The following BRD10 variants were observed in gnomAD, a reference collection of about 807,000 sequenced individuals.
The protein encoded by BRD10 is uncharacterized bromodomain-containing protein 10.
At chr9:5,944,833 C>A in the BRD10 span, 2 of 964,526 alleles carry the variant, frequency 2.1e-6, no homozygotes, top group Admixed American at 3.1e-5. Context: ...AATTTTAATG[C>A]TGACAATAAT....
At chr9:6,007,407 G>T in the BRD10 span, 1 of 1,608,638 alleles carries the variant, frequency 6.2e-7, no homozygotes, top group Non-Finnish European at 8.5e-7. Flanking sequence ...GCGGGAAGGC[G>T]CGACCGCCCC....
the BRD10 span, among the ~76,000 whole-genome samples, chr9:5,936,504 G>A: frequency 2.0e-5 from 3 of 152,162 alleles, no homozygotes; most frequent in Non-Finnish European, 4.4e-5. Context: ...CTATTTTAAA[G>A]TAGTGGAACA....
the BRD10 span, among the ~76,000 whole-genome samples, chr9:6,004,743 A>G: frequency 6.6e-6 from 1 of 152,210 alleles, no homozygotes; most frequent in African/African-American, 2.4e-5. Context: ...CACTCCCATG[A>G]ACACTCTATA....
At chr9:5,967,203 C>G in the BRD10 span, among the ~76,000 whole-genome samples, 1 of 150,186 alleles carries the variant, frequency 6.7e-6, no homozygotes. Context: ...TTTTTTTTTT[C>G]CAATCAAGCA....
the BRD10 span, chr9:5,924,864 C>T: frequency 2.1e-6 from 3 of 1,429,488 alleles, no homozygotes; most frequent in South Asian, 1.8e-5. Flanking sequence ...AAATGCCCAA[C>T]ATAATAAATA....
the BRD10 span, chr9:5,908,888 T>G: frequency 1.7e-6 from 1 of 575,734 alleles, no homozygotes; most frequent in Non-Finnish European, 3.1e-6. Flanking sequence ...TGTGAGGAAA[T>G]GATGAGAAAT....
chr9:5,985,433 G>A, the BRD10 span, among the ~76,000 whole-genome samples: 1 of 152,120 alleles, frequency 6.6e-6, no homozygotes, highest in African/African-American at 2.4e-5. Flanking sequence ...TGAAGGCCAT[G>A]GACTGAGAAA....
the BRD10 span, among the ~76,000 whole-genome samples, chr9:5,940,425 C>T: frequency 6.6e-6 from 1 of 152,038 alleles, no homozygotes; most frequent in African/African-American, 2.4e-5. Context: ...GAACTCCCAA[C>T]CTTGTGATCC....
the BRD10 span, among the ~76,000 whole-genome samples, chr9:5,972,808 T>A: frequency 1.3e-5 from 2 of 152,126 alleles, no homozygotes; most frequent in African/African-American, 4.8e-5. Context: ...TTCACAGCAA[T>A]GCAAAATGGA....
At chr9:5,988,325 A>ATT in the BRD10 span, 1 of 1,501,688 alleles carries the variant, frequency 6.7e-7, no homozygotes, top group South Asian at 1.1e-5. Flanking sequence ...GAAATTATGA[A>ATT]TTTTTTTCTT....
At chr9:5,993,323 A>AAC in the BRD10 span, among the ~76,000 whole-genome samples, 2 of 148,232 alleles carry the variant, frequency 1.3e-5, no homozygotes, top group African/African-American at 4.9e-5. Context: ...AAAAAAAAAA[A>AAC]AAAAAAAAAA....
At chr9:5,924,622 T>C in the BRD10 span, 44 of 1,303,628 alleles carry the variant, frequency 3.4e-5, no homozygotes, top group East Asian at 3.2e-4. Context: ...TCTTTGTGCC[T>C]TCAGTGTTGA....
chr9:5,959,578 A>G, the BRD10 span, among the ~76,000 whole-genome samples: 2 of 152,190 alleles, frequency 1.3e-5, no homozygotes, highest in Admixed American at 6.5e-5. Context: ...GGAGTATAGT[A>G]AATCCTTTCA....
the BRD10 span, among the ~76,000 whole-genome samples, chr9:5,989,012 T>C: frequency 6.6e-6 from 1 of 151,886 alleles, no homozygotes; most frequent in Admixed American, 6.6e-5. Context: ...AGGCGAATCA[T>C]CTGAGGTCAG....
At chr9:5,937,528 C>T in the BRD10 span, among the ~76,000 whole-genome samples, 25 of 152,204 alleles carry the variant, frequency 1.6e-4, no homozygotes, top group Admixed American at 1.4e-3. Flanking sequence ...GAACAAGACT[C>T]CGTTTACAAA....
the BRD10 span, chr9:5,988,652 T>C: frequency 4.0e-6 from 3 of 750,700 alleles, no homozygotes; most frequent in Admixed American, 5.1e-5. Context: ...TAAAAGTATT[T>C]AAACCTTACT....
chr9:5,886,727 T>C, the BRD10 span, among the ~76,000 whole-genome samples: 619 of 152,262 alleles, frequency 4.1e-3, 4 homozygotes, highest in Non-Finnish European at 6.9e-3. Context: ...CAAGGCCGGC[T>C]CAAAAACAGA....
At chr9:5,955,961 G>A in the BRD10 span, among the ~76,000 whole-genome samples, 3 of 152,246 alleles carry the variant, frequency 2.0e-5, no homozygotes, top group Admixed American at 1.3e-4. Context: ...TGAATGCCAA[G>A]ATGCCTTTCC....
At chr9:5,944,937 TTCA>T in the BRD10 span, 3 of 1,536,924 alleles carry the variant, frequency 2.0e-6, no homozygotes, top group Non-Finnish European at 1.8e-6. Flanking sequence ...ATTCCCTGAG[TTCA>T]TCAAGATTAG....
Sources: allele counts gnomAD v4.1 joint callset (sites outside exome capture counted in the v4.1 genomes callset), GRCh38; gene constraint gnomAD v4.1.1; transcripts MANE v1.5; gene names NCBI Gene and HGNC (gene_info 2026-07-23, HGNC 2026-07-21).